CREBBP: variants seen among roughly 807,000 people sequenced by gnomAD.
CREBBP encodes CREB-binding protein.
A neutral mutation model predicts 265.0 loss-of-function variants in CREBBP; 19 were observed. The ratio of observed to expected loss-of-function variants is 0.07; its 90% CI spans 0.05 to 0.11. The LOEUF is 0.11. Ranked by LOEUF, CREBBP falls within the 10% of genes least tolerant of loss-of-function variation. The pLI, the probability that CREBBP is intolerant of heterozygous loss-of-function variation, is 1.00. For missense variants in CREBBP, 2,525 were observed against 3,219.0 expected (o/e 0.78, Z 5.22); for synonymous variants, 1,457 against 1,223.7 (o/e 1.19, Z -3.98).
At chr16:3,774,742 A>G (rs2053095900) in intron 11 of CREBBP, 49 bp from the exon 12 acceptor site, 1 of 1,612,680 alleles carries the variant, frequency 6.2e-7, no homozygotes, top group Non-Finnish European at 8.5e-7. Flanking sequence ...CCACAGGAAA[A>G]CAGAATTACA....
chr16:3,739,352 C>T, intron 25 of CREBBP: 1 of 585,744 alleles, frequency 1.7e-6, no homozygotes, highest in South Asian at 2.0e-5. Flanking sequence ...AGAGCGGGTC[C>T]CACACAGACT....
At chr16:3,862,895 A>G (rs1388842498) in intron 1 of CREBBP, among the ~76,000 whole-genome samples, 1 of 152,148 alleles carries the variant, frequency 6.6e-6, no homozygotes, top group Non-Finnish European at 1.5e-5. Flanking sequence ...TGAAAGCTAA[A>G]TTACAGGACA....
intron 21 of CREBBP, among the ~76,000 whole-genome samples, chr16:3,749,071 C>T (rs996360387): frequency 5.9e-5 from 9 of 152,216 alleles, no homozygotes; most frequent in Admixed American, 1.3e-4. Flanking sequence ...GGCGTGAACC[C>T]GGGAGGCGGA....
intron 1 of CREBBP, among the ~76,000 whole-genome samples, chr16:3,854,925 G>GT (rs747478103): frequency 6.6e-6 from 1 of 152,248 alleles, no homozygotes; most frequent in Non-Finnish European, 1.5e-5. Context: ...GAGACTGAGA[G>GT]TAAGTTGCAG....
chr16:3,872,138 T>A (rs138454940), intron 1 of CREBBP, among the ~76,000 whole-genome samples: 1 of 152,148 alleles, frequency 6.6e-6, no homozygotes, highest in African/African-American at 2.4e-5. Flanking sequence ...AGCTCAAAAA[T>A]AGCCTTGCTT....
At chr16:3,773,102 CAAAA>C (rs772233692) in intron 13 of CREBBP, among the ~76,000 whole-genome samples, 9 of 149,160 alleles carry the variant, frequency 6.0e-5, no homozygotes, top group Non-Finnish European at 1.0e-4. Flanking sequence ...GACAAACAAA[CAAAA>C]AAAAACTTAA....
intron 12 of CREBBP, 29 bp from the exon 13 acceptor site, chr16:3,773,959 G>A (rs2141217392): frequency 6.2e-7 from 1 of 1,611,628 alleles, no homozygotes; most frequent in East Asian, 2.2e-5. Context: ...CACCAGAGCT[G>A]TAGTTCGGAA....
At chr16:3,798,982 C>G (rs934366126) in intron 3 of CREBBP, among the ~76,000 whole-genome samples, 60 of 152,268 alleles carry the variant, frequency 3.9e-4, no homozygotes, top group Admixed American at 5.2e-4. Flanking sequence ...ATAACCAAAA[C>G]GGAATATTAT....
intron 3 of CREBBP, among the ~76,000 whole-genome samples, chr16:3,809,074 CA>C (rs1218735992): frequency 6.6e-6 from 1 of 152,112 alleles, no homozygotes; most frequent in African/African-American, 2.4e-5. Context: ...AGAAGCATAT[CA>C]AGGAAAGTTA....
rs1375979250 is a variant in CREBBP at position 3,839,740 on chromosome 16, G to A, written c.798+10557C>T. ...GAGGGGAGGGGGAGGGGGAGGGAAG[G>A]GAGGGAAGGAAAGGAAGGGAGGAAA... On this transcript the variant is annotated intron_variant, in intron 2 of 30. Coordinates refer to ENST00000262367, the MANE Select transcript of CREBBP (RefSeq NM_004380.3). Among the ~76,000 whole-genome samples, 11 of 140,920 alleles carry A rather than the reference G, an allele frequency of 7.8e-5. 1 individual carries two copies. Among genetic ancestry groups the A allele is most frequent in the Admixed American group, 6.4e-4 (9 of 14,022 alleles). 92.4% of individuals were successfully genotyped at this position (140,920 alleles called of 152,430 possible). A position where few individuals can be genotyped will look rare whatever the true frequency, so the allele number is the denominator to read the frequency against.
intron 3 of CREBBP, among the ~76,000 whole-genome samples, chr16:3,799,845 C>T (rs1233383836): frequency 6.6e-6 from 1 of 152,106 alleles, no homozygotes; most frequent in Non-Finnish European, 1.5e-5. Context: ...TTATTTAAGG[C>T]AACGAATTAC....
At chr16:3,742,141 ACT>A (rs1196522519) in intron 23 of CREBBP, 40 of 151,918 alleles carry the variant, frequency 2.6e-4, no homozygotes, top group African/African-American at 8.0e-4. Context: ...AACAAAAAAA[ACT>A]CTTCCAGAGT....
intron 6 of CREBBP, among the ~76,000 whole-genome samples, chr16:3,782,366 C>T (rs2053291407): frequency 6.6e-6 from 1 of 152,206 alleles, no homozygotes; most frequent in African/African-American, 2.4e-5. Context: ...CAACAGTCAG[C>T]ATGAGGCGTC....
In CREBBP at chr16:3,879,699, G is replaced by C. The variant is rs1336945619; in HGVS notation, c.85+133C>G. 8.2e-6 allele frequency: 8 copies of C among 979,322 alleles called. No individual in the cohort carries two copies. In the East Asian group the frequency reaches 1.3e-4, roughly 16 times the overall value. 60.7% of individuals were successfully genotyped at this position (979,322 alleles called of 1,614,324 possible). On this transcript the variant is annotated intron_variant, in intron 1 of 30. Coordinates refer to ENST00000262367, the MANE Select transcript of CREBBP (RefSeq NM_004380.3). ...ACTTCCACCCTCCCGCGCGGGGCGA[G>C]GGGAACGGGCTGCGGGGCCTGCTCC...
intron 1 of CREBBP, among the ~76,000 whole-genome samples, chr16:3,865,082 C>T (rs1052996434): frequency 6.6e-6 from 1 of 152,162 alleles, no homozygotes; most frequent in African/African-American, 2.4e-5. Context: ...ATATCTGCAA[C>T]ACATCTAGCA....
At chr16:3,820,488 G>C (rs1270055653) in intron 2 of CREBBP, among the ~76,000 whole-genome samples, 1 of 152,172 alleles carries the variant, frequency 6.6e-6, no homozygotes, top group African/African-American at 2.4e-5. Context: ...AAAATGTGCG[G>C]CCCCCAGGTC....
At chr16:3,817,892 T>C (rs980755473) in intron 2 of CREBBP, among the ~76,000 whole-genome samples, 19 of 152,060 alleles carry the variant, frequency 1.2e-4, no homozygotes, top group African/African-American at 4.6e-4. Flanking sequence ...TAAGATCTCC[T>C]AAAGATTAAG....
At chr16:3,739,158 C>T (rs912256156) in intron 25 of CREBBP, among the ~76,000 whole-genome samples, 1 of 152,226 alleles carries the variant, frequency 6.6e-6, no homozygotes, top group Non-Finnish European at 1.5e-5. Flanking sequence ...CGTCACTGAA[C>T]AAAAGGATGA....
At chr16:3,862,010 C>T (rs1046354020) in intron 1 of CREBBP, among the ~76,000 whole-genome samples, 3 of 152,142 alleles carry the variant, frequency 2.0e-5, no homozygotes, top group Non-Finnish European at 4.4e-5. Flanking sequence ...GAGAAGGAAG[C>T]GAGTCACTGC....
Sources: gnomAD v4.1 joint callset for allele counts (sites outside exome capture counted in the v4.1 genomes callset) on GRCh38, gnomAD v4.1.1 for gene constraint, MANE v1.5 for transcripts, NCBI Gene and HGNC (gene_info 2026-07-23, HGNC 2026-07-21) for gene names.